Variants in VSTM4 observed in about 807,000 individuals in gnomAD.
The protein encoded by VSTM4 is V-set and transmembrane domain containing 4, also known as V-set and transmembrane domain-containing protein 4.
Under a neutral mutation model 36.4 loss-of-function variants are expected in VSTM4, and 20 were observed. The observed-to-expected ratio is 0.55, with a 90% CI of 0.39 to 0.80. The LOEUF is 0.80. Among genes scored for constraint, VSTM4 ranks in the 30% least tolerant of loss-of-function variants. The probability of loss-of-function intolerance (pLI) is 0.00; values close to 1 mark genes in which losing one functional copy is unlikely to be tolerated. For synonymous variants in VSTM4, 182 were observed against 173.9 expected, an observed-to-expected ratio of 1.05 and a Z score of -0.37; for missense variants, 392 against 404.5, an observed-to-expected ratio of 0.97 and a Z score of 0.26.
intron 4 of VSTM4, among the ~76,000 whole-genome samples, chr10:49,072,216 T>A (rs1844091708): frequency 6.6e-6 from 1 of 152,138 alleles, no homozygotes; most frequent in South Asian, 2.1e-4. Context: ...CATGGGGGGA[T>A]GTGCCCTGTG....
intron 7 of VSTM4, among the ~76,000 whole-genome samples, chr10:49,030,305 G>A (rs1448263108): frequency 6.6e-6 from 1 of 152,292 alleles, no homozygotes; most frequent in African/African-American, 2.4e-5. Flanking sequence ...CTGGAATCCA[G>A]TTGCACTCCC....
In VSTM4 at chr10:49,062,283, T is replaced by C. The variant is rs574511371; in HGVS notation, c.668+2420A>G. On this transcript the variant is annotated intron_variant, in intron 5 of 7. Transcript: ENST00000332853. Reference sequence around the variant, plus strand: ...GTACTCCTATTTCTGCTCTTTCCATTATTCCTTCTTCCTTCCTAAGGCTCC... The same window carrying C: ...GTACTCCTATTTCTGCTCTTTCCATCATTCCTTCTTCCTTCCTAAGGCTCC... Among the ~76,000 whole-genome samples, 3 of 151,784 alleles carry C rather than the reference T, an allele frequency of 2.0e-5. No homozygotes were observed. The East Asian group carries it at 5.8e-4, about 29-fold the overall frequency.
chr10:49,020,768 GGAGGCAGGGAGGGAGAGAGGGAGA>G (rs1406585044), intron 7 of VSTM4, among the ~76,000 whole-genome samples: 1 of 144,482 alleles, frequency 6.9e-6, no homozygotes, highest in Non-Finnish European at 1.5e-5. Context: ...AGGGAGGGAG[GGAGGCAGGGAGGGAGAGAGGGAGA>G]GAGGGAGGAA....
chr10:49,052,433 A>T (rs372478557), intron 5 of VSTM4, among the ~76,000 whole-genome samples: 5 of 143,588 alleles, frequency 3.5e-5, no homozygotes, highest in Admixed American at 6.9e-5. Context: ...TTGATTTAGG[A>T]TTTTTTTTTT....
chr10:49,046,674 A>C (rs557514221), intron 7 of VSTM4, among the ~76,000 whole-genome samples: 1 of 152,200 alleles, frequency 6.6e-6, no homozygotes, highest in Non-Finnish European at 1.5e-5. Flanking sequence ...TCTTTGGAGT[A>C]ATTATCAGGT....
intron 2 of VSTM4, among the ~76,000 whole-genome samples, chr10:49,104,304 A>AAAC (rs71298784): frequency 0.13 from 19,862 of 151,982 alleles, 1,521 homozygotes; most frequent in South Asian, 0.24. Context: ...TCTGTCTCAA[A>AAAC]AACAACAACA....
At chr10:49,102,326 G>A in intron 2 of VSTM4, 2 of 784,146 alleles carry the variant, frequency 2.6e-6, no homozygotes, top group Non-Finnish European at 3.1e-6. Flanking sequence ...TGTAGAGATG[G>A]GGTTTCACCA....
At chr10:49,064,845 G>C in intron 4 of VSTM4, 109 bp from the exon 5 acceptor site, 8 of 1,122,014 alleles carry the variant, frequency 7.1e-6, no homozygotes, top group Non-Finnish European at 1.0e-5. Context: ...AGGTATTGGT[G>C]CTATACCACC....
intron 4 of VSTM4, among the ~76,000 whole-genome samples, chr10:49,070,729 A>G (rs549180638): frequency 3.2e-4 from 49 of 152,314 alleles, no homozygotes; most frequent in Non-Finnish European, 6.3e-4. Context: ...CCCGTGCTCC[A>G]GGGAGGCTAA....
intron 2 of VSTM4, among the ~76,000 whole-genome samples, chr10:49,097,575 AG>A (rs1844596183): frequency 6.6e-6 from 1 of 152,226 alleles, no homozygotes; most frequent in Non-Finnish European, 1.5e-5. Context: ...GAAGTTATCA[AG>A]GGCAGGTCTG....
In VSTM4 at chr10:49,019,473, T is replaced by G; in HGVS notation, c.*177A>C. On this transcript the variant is annotated 3_prime_UTR_variant, in exon 8 of 8. Transcript: ENST00000332853. ...GATCTGTCAAGAGCTGTGGCCCCGA[T>G]TCTTTTGGGGAGAGCAGGCTTGTAC... is the stretch of plus-strand genomic sequence containing the variant. 1.3e-6 allele frequency: 1 copy of G among 785,508 alleles called. No homozygotes were observed. Among genetic ancestry groups the G allele is most frequent in the Non-Finnish European group, 1.8e-6 (1 of 566,398 alleles). The allele number at this position is 785,508 out of a possible 1,614,324, so 48.7% of individuals were successfully genotyped here.
chr10:49,081,066 G>A lies in VSTM4; in HGVS notation c.527-3740C>T, dbSNP rs554158578. Among the ~76,000 whole-genome samples the A allele has an allele frequency of 7.2e-5, 11 of 152,306 alleles. No individual in the cohort carries two copies. In the South Asian group the frequency reaches 1.2e-3, roughly 17 times the overall value. Reference sequence around the variant, plus strand: ...GATTCTGGACAAGACACTTCATGACGAACTCAGGGACAGAGCAAAGTTCAC... The same window carrying A: ...GATTCTGGACAAGACACTTCATGACAAACTCAGGGACAGAGCAAAGTTCAC... On this transcript the variant is annotated intron_variant, in intron 3 of 7. Coordinates refer to ENST00000332853, the MANE Select transcript of VSTM4 (RefSeq NM_001031746.5).
intron 3 of VSTM4, among the ~76,000 whole-genome samples, chr10:49,083,895 C>T (rs911430096): frequency 5.3e-5 from 8 of 152,192 alleles, no homozygotes; most frequent in African/African-American, 1.4e-4. Context: ...TCTCTGATCC[C>T]TTCCTAATGT....
chr10:49,084,791 T>C (rs1844341311), intron 3 of VSTM4, among the ~76,000 whole-genome samples: 1 of 152,254 alleles, frequency 6.6e-6, no homozygotes, highest in Non-Finnish European at 1.5e-5. Context: ...CTTATGATCA[T>C]AATCCTCACC....
chr10:49,084,440 G>A (rs1416445738), intron 3 of VSTM4, among the ~76,000 whole-genome samples: 4 of 152,160 alleles, frequency 2.6e-5, no homozygotes, highest in East Asian at 1.9e-4. Context: ...GTCTGCAAAC[G>A]ATGTTCACAA....
At chr10:49,023,738 T>C (rs537594425) in intron 7 of VSTM4, among the ~76,000 whole-genome samples, 155 of 152,320 alleles carry the variant, frequency 1.0e-3, no homozygotes, top group African/African-American at 3.4e-3. Flanking sequence ...TGATAGACGC[T>C]GGCTTCAAAA....
At chr10:49,038,990 G>T (rs1843476102) in intron 7 of VSTM4, among the ~76,000 whole-genome samples, 1 of 152,182 alleles carries the variant, frequency 6.6e-6, no homozygotes, top group African/African-American at 2.4e-5. Context: ...CCACCTGCAA[G>T]TACAAAGGTG....
chr10:49,108,077 A>G, intron 1 of VSTM4, 82 bp from the exon 2 acceptor site: 3 of 1,457,756 alleles, frequency 2.1e-6, no homozygotes, highest in Admixed American at 2.4e-5. Flanking sequence ...GAGCCAGGAA[A>G]TGCCTCCACG....
rs570313287 is a variant in VSTM4, at chr10:49,015,149, T to G, written c.*4501A>C. The stretch of plus-strand genomic sequence containing the variant: ...TTTTTTTTTTTTTTTTGAGACGGAA[T>G]CTCACTCTATTGCCCAGGCTGGAGT... On this transcript the variant is annotated 3_prime_UTR_variant, in exon 8 of 8. Coordinates refer to ENST00000332853, the MANE Select transcript of VSTM4 (RefSeq NM_001031746.5). The G allele has an allele frequency of 7.1e-6, 1 of 140,006 alleles. No homozygotes were observed. Among genetic ancestry groups the G allele is most frequent in the East Asian group, 2.2e-4 (1 of 4,636 alleles). 8.7% of individuals were successfully genotyped at this position (140,006 alleles called of 1,614,324 possible). A position where few individuals can be genotyped will look rare whatever the true frequency, so the allele number is the denominator to read the frequency against.
Sources: gnomAD v4.1 joint callset for allele counts (sites outside exome capture counted in the v4.1 genomes callset) on GRCh38, gnomAD v4.1.1 for gene constraint, MANE v1.5 for transcripts, NCBI Gene and HGNC (gene_info 2026-07-23, HGNC 2026-07-21) for gene names.